ARRB1: variants seen among roughly 807,000 people sequenced by gnomAD.
ARRB1 encodes beta-arrestin-1.
In ARRB1, 21 loss-of-function variants were observed where a neutral mutation model predicts 56.8. The observed-to-expected ratio is 0.37, with a 90% confidence interval of 0.26 to 0.53. The LOEUF is 0.53. Among genes scored for constraint, ARRB1 ranks in the 20% least tolerant of loss-of-function variants. ARRB1 has a pLI of 0.88. For synonymous variants in ARRB1, 210 were observed against 218.6 expected, an observed-to-expected ratio of 0.96 and a Z score of 0.35; for missense variants, 424 against 553.7, an observed-to-expected ratio of 0.77 and a Z score of 2.35.
intron 1 of ARRB1, among the ~76,000 whole-genome samples, chr11:75,340,523 A>G (rs971620490): frequency 2.6e-5 from 4 of 152,222 alleles, no homozygotes; most frequent in Non-Finnish European, 4.4e-5. Context: ...AGTCCCTGGC[A>G]TATCTCAGCC....
chr11:75,349,950 C>T (rs896341446), intron 1 of ARRB1, among the ~76,000 whole-genome samples: 8 of 152,236 alleles, frequency 5.3e-5, no homozygotes, highest in African/African-American at 1.4e-4. Context: ...CTCCAGCCTC[C>T]GCCCTGCCTC....
intron 1 of ARRB1, among the ~76,000 whole-genome samples, chr11:75,349,447 G>A (rs1426394117): frequency 6.6e-6 from 1 of 152,230 alleles, no homozygotes; most frequent in Non-Finnish European, 1.5e-5. Context: ...CTTGGCCTCA[G>A]AGACAGGGTC....
chr11:75,280,182 C>G (rs1946293982), intron 7 of ARRB1, among the ~76,000 whole-genome samples: 2 of 152,186 alleles, frequency 1.3e-5, no homozygotes, highest in Admixed American at 1.3e-4. Context: ...GCTTACCAAG[C>G]CTCCTCCCAC....
chr11:75,320,535 A>G (rs1216791020), intron 1 of ARRB1, among the ~76,000 whole-genome samples: 5 of 152,068 alleles, frequency 3.3e-5, no homozygotes, highest in African/African-American at 1.2e-4. Context: ...CCCACCAGAG[A>G]TGGGGAGGGA....
chr11:75,286,388 C>T (rs1219557000), intron 3 of ARRB1, among the ~76,000 whole-genome samples: 1 of 151,234 alleles, frequency 6.6e-6, no homozygotes, highest in Non-Finnish European at 1.5e-5. Context: ...ATGCCTCACC[C>T]ACCCCAGTAG....
chr11:75,339,653 G>T lies in ARRB1; in HGVS notation c.20+11935C>A, dbSNP rs567676999. On this transcript the variant is annotated intron_variant, in intron 1 of 15. Coordinates refer to ENST00000420843, the MANE Select transcript of ARRB1 (RefSeq NM_004041.5). ...GATCCTTAACCTCTGGCCCTGTTTT[G>T]TCCCTGCTATAAACAGATGCCCACT... Among the ~76,000 whole-genome samples the T allele has an allele frequency of 1.2e-3, 176 of 152,250 alleles. 1 individual carries two copies. The highest frequency in any genetic ancestry group is 2.1e-3 in the Non-Finnish European group (141 of 68,012).
intron 15 of ARRB1, 46 bp downstream of exon 15, chr11:75,267,606 C>A: frequency 1.5e-6 from 2 of 1,301,832 alleles, no homozygotes; most frequent in South Asian, 1.2e-5. Flanking sequence ...CCACCCCGCC[C>A]ACCCGCGGCC....
At chr11:75,274,345 C>A (rs1246688700) in intron 10 of ARRB1, 134 bp from the exon 11 acceptor site, 2 of 1,334,036 alleles carry the variant, frequency 1.5e-6, no homozygotes, top group Non-Finnish European at 2.0e-6. Context: ...CCCAGACACA[C>A]GGACCACTTG....
At chr11:75,300,535 CA>C (rs1946874868) in intron 1 of ARRB1, among the ~76,000 whole-genome samples, 1 of 152,058 alleles carries the variant, frequency 6.6e-6, no homozygotes, top group South Asian at 2.1e-4. Context: ...TCTGGGGAGT[CA>C]AAAAAGCCTT....
At position 75,265,085 on chromosome 11, in the gene ARRB1, C is replaced by CT. The variant is rs774255808; in HGVS notation, c.*1077dup. 8 of 152,384 alleles carry CT rather than the reference C, an allele frequency of 5.2e-5. No homozygotes were observed. In the East Asian group the frequency reaches 7.7e-4, roughly 15 times the overall value. The allele number at this position is 152,384 out of a possible 1,614,324, so 9.4% of individuals were successfully genotyped here. A position where few individuals can be genotyped will look rare whatever the true frequency, so the allele number is the denominator to read the frequency against. On this transcript the variant is annotated 3_prime_UTR_variant, in exon 16 of 16. Coordinates refer to ENST00000420843, the MANE Select transcript of ARRB1 (RefSeq NM_004041.5). ...CTGCCACCTTCTGAGATAGGACCCC[C>CT]TTTGACTGTGGCATGGTGGCCTCAG...
chr11:75,260,855 TC>T lies in ARRB1; in HGVS notation c.*5307del, dbSNP rs1402968122. On this transcript the variant is annotated 3_prime_UTR_variant, in exon 16 of 16. Coordinates refer to ENST00000420843, the MANE Select transcript of ARRB1 (RefSeq NM_004041.5). ...AGGAGGGACTTTTGTCATAAAATCC[TC>T]CCTGAGTCTGTCTTTTATGTGAGCC... The T allele has an allele frequency of 6.6e-6, 1 of 152,110 alleles. No homozygotes were observed. The highest frequency in any genetic ancestry group is 1.5e-5 in the Non-Finnish European group (1 of 68,022). The allele number at this position is 152,110 out of a possible 1,614,324, so 9.4% of individuals were successfully genotyped here. A position where few individuals can be genotyped will look rare whatever the true frequency, so the allele number is the denominator to read the frequency against.
intron 1 of ARRB1, among the ~76,000 whole-genome samples, chr11:75,303,002 T>TATC (rs781485411): frequency 3.3e-5 from 5 of 151,278 alleles, no homozygotes; most frequent in African/African-American, 1.2e-4. Context: ...TTATTATCAT[T>TATC]ATTATTATTA....
rs1945909906 is a variant in ARRB1, at chr11:75,266,281, G to A, written c.1146-7C>T. 3.7e-6 allele frequency: 6 copies of A among 1,609,944 alleles called. No homozygotes were observed. The highest frequency in any genetic ancestry group is 1.3e-5 in the African/African-American group (1 of 74,856). ...AAATACAATGTCGTCATCACTGGTG[G>A]GAGAGACAAGGAAAATGTGGTGTGT... On this transcript the variant is annotated splice_region_variant and splice_polypyrimidine_tract_variant and intron_variant, in intron 15 of 15. Transcript: ENST00000420843.
intron 11 of ARRB1, among the ~76,000 whole-genome samples, chr11:75,273,522 G>A (rs1312596241): frequency 6.6e-6 from 1 of 152,204 alleles, no homozygotes; most frequent in Non-Finnish European, 1.5e-5. Context: ...TGTGCTGGGA[G>A]TGGCGGCTGC....
At chr11:75,324,381 C>G (rs770032782) in intron 1 of ARRB1, among the ~76,000 whole-genome samples, 11 of 152,300 alleles carry the variant, frequency 7.2e-5, no homozygotes, top group Non-Finnish European at 1.5e-4. Flanking sequence ...TGGTCTTTAT[C>G]TGCCCGTGCG....
At chr11:75,280,850 A>G (rs1946317800) in intron 7 of ARRB1, among the ~76,000 whole-genome samples, 2 of 152,202 alleles carry the variant, frequency 1.3e-5, no homozygotes, top group South Asian at 2.1e-4. Context: ...AGCTGCCACA[A>G]TGGTGCAAAG....
intron 1 of ARRB1, among the ~76,000 whole-genome samples, chr11:75,347,465 C>T (rs947257384): frequency 6.6e-6 from 1 of 152,212 alleles, no homozygotes; most frequent in African/African-American, 2.4e-5. Context: ...CTACCACTGC[C>T]TCTCAGGAAG....
intron 1 of ARRB1, among the ~76,000 whole-genome samples, chr11:75,315,212 G>A (rs191765120): frequency 2.6e-5 from 4 of 152,204 alleles, no homozygotes; most frequent in Middle Eastern, 3.4e-3. Context: ...TCCAGTGCTC[G>A]GCCTCCTCCC....
chr11:75,350,740 T>G (rs955377909), intron 1 of ARRB1, among the ~76,000 whole-genome samples: 3 of 152,180 alleles, frequency 2.0e-5, no homozygotes, highest in African/African-American at 7.2e-5. Flanking sequence ...ACAGAGTAGA[T>G]GGATGGGATC....
Sources: gnomAD v4.1 joint callset for allele counts (sites outside exome capture counted in the v4.1 genomes callset) on GRCh38, gnomAD v4.1.1 for gene constraint, MANE v1.5 for transcripts, NCBI Gene and HGNC (gene_info 2026-07-23, HGNC 2026-07-21) for gene names.